Variants in BTBD2 observed in about 807,000 individuals in gnomAD.
The protein encoded by BTBD2 is BTB/POZ domain-containing protein 2.
In BTBD2, 15 loss-of-function variants were observed where a neutral mutation model predicts 44.0. The ratio of observed to expected loss-of-function variants is 0.34; its 90% CI spans 0.23 to 0.53. The LOEUF (loss-of-function observed/expected upper bound fraction) is 0.53, where lower values mean the gene tolerates loss of function less well. BTBD2 is among the 20% of genes least tolerant of loss of function. The pLI is 0.95. For missense variants in BTBD2, 657 were observed against 746.4 expected (o/e 0.88, Z 1.39); for synonymous variants, 443 against 335.9 (o/e 1.32, Z -3.49).
chr19:1,998,070 C>T (rs1042816952), intron 1 of BTBD2, among the ~76,000 whole-genome samples: 29 of 138,248 alleles, frequency 2.1e-4, no homozygotes, highest in Admixed American at 1.2e-3. Context: ...TCTCATTCAT[C>T]GCACACTCAT....
At position 1,986,919 on chromosome 19, in the gene BTBD2, C is replaced by T. The variant is rs147352494; in HGVS notation, c.1327G>A (p.Asp443Asn). 3.5e-5 allele frequency: 56 copies of T among 1,613,204 alleles called. No individual in the cohort carries two copies. The highest frequency in any genetic ancestry group is 4.5e-5 in the East Asian group (2 of 44,888). Residue 443 changes from aspartate to asparagine, a missense_variant, in exon 8 of 9, where the codon GAC (aspartate) becomes AAC (asparagine). Asp to Asn is a conservative substitution (Grantham distance 23). Coordinates refer to ENST00000255608, the MANE Select transcript of BTBD2 (RefSeq NM_017797.4). ...ACGCGGAAGGTGCTGGCTGAGCCGTCGCAGCTGAAGCCCGTGTCGTTCTGG... is the reference window on the plus strand; with the variant it reads ...ACGCGGAAGGTGCTGGCTGAGCCGTTGCAGCTGAAGCCCGTGTCGTTCTGG... ...LGQNDTGFSC[D>N]GSASTFRVMF...
At chr19:1,996,019 T>C (rs1407681183) in intron 2 of BTBD2, among the ~76,000 whole-genome samples, 3 of 152,180 alleles carry the variant, frequency 2.0e-5, no homozygotes, top group African/African-American at 4.8e-5. Flanking sequence ...TTCATTCTTC[T>C]GCATGTGTAT....
chr19:2,012,213 C>T (rs373370663), intron 1 of BTBD2, among the ~76,000 whole-genome samples: 4 of 150,196 alleles, frequency 2.7e-5, no homozygotes, highest in South Asian at 4.2e-4. Flanking sequence ...AGTGCAATGG[C>T]GCAATCTCGG....
intron 1 of BTBD2, among the ~76,000 whole-genome samples, chr19:1,997,699 C>G (rs1201963078): frequency 6.6e-6 from 1 of 152,224 alleles, no homozygotes; most frequent in Non-Finnish European, 1.5e-5. Flanking sequence ...CTGGGCCACA[C>G]AGGGCCTCAC....
At chr19:2,008,303 CTTT>C (rs36003432) in intron 1 of BTBD2, among the ~76,000 whole-genome samples, 1 of 141,004 alleles carries the variant, frequency 7.1e-6, no homozygotes, top group Non-Finnish European at 1.5e-5. Context: ...TGCGCCCACT[CTTT>C]TTTTTTTTTT....
At chr19:1,997,615 G>C in intron 1 of BTBD2, 152 bp from the exon 2 acceptor site, 1 of 1,199,314 alleles carries the variant, frequency 8.3e-7, no homozygotes, top group Non-Finnish European at 1.2e-6. Flanking sequence ...AGAGGCTTCT[G>C]GAAGGGGCCT....
chr19:2,010,515 G>T (rs908492922), intron 1 of BTBD2, among the ~76,000 whole-genome samples: 1 of 152,056 alleles, frequency 6.6e-6, no homozygotes, highest in Non-Finnish European at 1.5e-5. Context: ...CTGCACCCCC[G>T]CCAGGGACCA....
At position 1,987,262 on chromosome 19, in the gene BTBD2, G is replaced by T; in HGVS notation, c.1182-9C>A. The T allele has an allele frequency of 6.2e-7, 1 of 1,613,612 alleles. No individual in the cohort carries two copies. The highest frequency in any genetic ancestry group is 8.5e-7 in the Non-Finnish European group (1 of 1,179,756). On this transcript the variant is annotated splice_polypyrimidine_tract_variant and intron_variant, in intron 6 of 8. Coordinates refer to ENST00000255608, the MANE Select transcript of BTBD2 (RefSeq NM_017797.4). The stretch of plus-strand genomic sequence containing the variant: ...GCTTGTTGACTGAGAACCTGCCGTG[G>T]CAGATGACAGGCAGCAGCGTGGATA...
intron 1 of BTBD2, among the ~76,000 whole-genome samples, chr19:2,002,221 C>T (rs1168523543): frequency 6.6e-6 from 1 of 152,142 alleles, no homozygotes; most frequent in African/African-American, 2.4e-5. Flanking sequence ...GCTGGGAACA[C>T]ACACACAAGC....
At chr19:1,992,002 T>G (rs2016186661) in intron 3 of BTBD2, 1 of 152,168 alleles carries the variant, frequency 6.6e-6, no homozygotes, top group Non-Finnish European at 1.5e-5. Flanking sequence ...GAGAATCGCT[T>G]GAACGCTGGA....
At chr19:2,007,226 G>T (rs2016406589) in intron 1 of BTBD2, among the ~76,000 whole-genome samples, 1 of 151,942 alleles carries the variant, frequency 6.6e-6, no homozygotes, top group Admixed American at 6.6e-5. Context: ...CCTGACCTGA[G>T]GTGATACTCC....
chr19:2,013,817 G>T, intron 1 of BTBD2: 1 of 311,584 alleles, frequency 3.2e-6, no homozygotes, highest in Non-Finnish European at 4.7e-6. Flanking sequence ...GCAGCAGGGA[G>T]GACGCAGGGA....
Position 2,002,893 on chromosome 19 carries a change from A to C in BTBD2, c.408-5430T>G, listed in dbSNP as rs866169190. 2.9e-5 allele frequency: 4 copies of C among 135,810 alleles called. No homozygotes were observed. In the East Asian group the frequency reaches 6.7e-4, roughly 23 times the overall value. 8.4% of individuals were successfully genotyped at this position (135,810 alleles called of 1,614,324 possible). On this transcript the variant is annotated intron_variant, in intron 1 of 8. Transcript: ENST00000255608. ...CTCCGTCTCAAAAAAAAAAAAAAAA[A>C]AGAAAAAAAAATTGTAGTATGCCCA...
At chr19:2,001,082 G>A (rs959081052) in intron 1 of BTBD2, among the ~76,000 whole-genome samples, 3 of 151,982 alleles carry the variant, frequency 2.0e-5, no homozygotes, top group East Asian at 1.9e-4. Context: ...TCAGGAGTTC[G>A]AGACCAGCCT....
At position 1,986,618 on chromosome 19, in the gene BTBD2, A is replaced by G. The variant is rs1459651722; in HGVS notation, c.1448T>C (p.Leu483Pro). The G allele has an allele frequency of 6.2e-7, 1 of 1,613,914 alleles. No individual in the cohort carries two copies. The highest frequency in any genetic ancestry group is 8.5e-7 in the Non-Finnish European group (1 of 1,179,878). The change falls in exon 9 of 9, where the codon CTG becomes CCG. Residue 483 changes from leucine to proline, a missense_variant. Leu to Pro is a moderately conservative substitution (Grantham distance 98, BLOSUM62 -3). Around this residue, in one of 3 missense-constraint regions of BTBD2, gnomAD observed 449 missense variants for 510.9 expected, o/e 0.88. Coordinates refer to ENST00000255608, the MANE Select transcript of BTBD2 (RefSeq NM_017797.4). ...GGGCGACTCGTGTGTCACCTTGCGC[A>G]GGCCTTTGGTGCCGTAGTGGGAGTC... Reference protein sequence around the residue: ...GPDSHYGTKGLRKVTHESPTT... With the variant: ...GPDSHYGTKGPRKVTHESPTT...
At chr19:1,992,860 C>A (rs1003506269) in intron 3 of BTBD2, among the ~76,000 whole-genome samples, 160 bp downstream of exon 3, 3 of 152,224 alleles carry the variant, frequency 2.0e-5, no homozygotes, top group East Asian at 1.9e-4. Context: ...GCGTGAGCAA[C>A]CACGCCCGGC....
intron 5 of BTBD2, chr19:1,987,911 G>A (rs1296949984): frequency 5.1e-5 from 29 of 566,692 alleles, no homozygotes; most frequent in East Asian, 1.8e-4. Context: ...CGACAGATAC[G>A]CTCACTCAGG....
chr19:2,001,006 G>A (rs1310337484), intron 1 of BTBD2, among the ~76,000 whole-genome samples: 1 of 152,190 alleles, frequency 6.6e-6, no homozygotes, highest in East Asian at 1.9e-4. Flanking sequence ...GATGGGGGAC[G>A]GGCACAGTGG....
intron 2 of BTBD2, among the ~76,000 whole-genome samples, chr19:1,993,627 C>G (rs2016211188): frequency 6.6e-6 from 1 of 152,002 alleles, no homozygotes; most frequent in African/African-American, 2.4e-5. Flanking sequence ...CATGGATAAT[C>G]ATGGACGCTA....
Sources: gnomAD v4.1 joint callset for allele counts (sites outside exome capture counted in the v4.1 genomes callset) on GRCh38, gnomAD v4.1.1 for gene constraint, gnomAD v4.1.1 regional missense constraint, MANE v1.5 for transcripts, NCBI Gene and HGNC (gene_info 2026-07-23, HGNC 2026-07-21) for gene names.